SOX5: variants seen among roughly 807,000 people sequenced by gnomAD.
The protein encoded by SOX5 is SRY-box transcription factor 5.
In SOX5, 9 loss-of-function variants were observed where a neutral mutation model predicts 92.0. The observed-to-expected ratio is 0.10, with a 90% CI of 0.06 to 0.17. SOX5 has a LOEUF of 0.17. Among genes scored for constraint, SOX5 ranks in the 10% least tolerant of loss-of-function variants. The pLI is 1.00. For synonymous variants in SOX5, 344 were observed against 336.3 expected (o/e 1.02, Z -0.25); for missense variants, 642 against 944.5 (o/e 0.68, Z 4.20).
intron 4 of SOX5, among the ~76,000 whole-genome samples, chr12:24,127,849 T>C (rs1042820110): frequency 6.6e-6 from 1 of 152,052 alleles, no homozygotes; most frequent in African/African-American, 2.4e-5. Flanking sequence ...TCTCATTTGG[T>C]CTAATTTGTA....
At chr12:24,082,156 C>T (rs1943415894) in intron 4 of SOX5, among the ~76,000 whole-genome samples, 1 of 151,752 alleles carries the variant, frequency 6.6e-6, no homozygotes, top group Admixed American at 6.6e-5. Flanking sequence ...ACATTATAGC[C>T]AGCATATGCA....
At chr12:24,196,537 C>A (rs1055163494) in intron 4 of SOX5, among the ~76,000 whole-genome samples, 1 of 152,042 alleles carries the variant, frequency 6.6e-6, no homozygotes, top group South Asian at 2.1e-4. Flanking sequence ...GATGAAGAAG[C>A]CACACACTTT....
At chr12:24,417,150 G>C (rs1207784565) in intron 1 of SOX5, among the ~76,000 whole-genome samples, 1 of 152,122 alleles carries the variant, frequency 6.6e-6, no homozygotes. Context: ...GATTCTTCCT[G>C]CTGATCAAGC....
intron 2 of SOX5, among the ~76,000 whole-genome samples, chr12:23,857,169 A>G (rs980019352): frequency 6.6e-6 from 1 of 152,190 alleles, no homozygotes; most frequent in African/African-American, 2.4e-5. Flanking sequence ...AGAATAATAA[A>G]TAGAAGACTA....
chr12:24,506,558 T>C (rs1234935456), intron 1 of SOX5, among the ~76,000 whole-genome samples: 1 of 152,056 alleles, frequency 6.6e-6, no homozygotes, highest in Non-Finnish European at 1.5e-5. Flanking sequence ...ATTAATATTT[T>C]CAATACAACG....
intron 3 of SOX5, among the ~76,000 whole-genome samples, chr12:23,831,956 C>CCACACACACACA (rs1568152842): frequency 1.2e-4 from 1 of 8,624 alleles, no homozygotes; most frequent in Non-Finnish European, 2.4e-4. Flanking sequence ...GAAAGGGGAA[C>CCACACACACACA]TACACACACA....
chr12:24,008,532 A>C (rs1371274882), intron 4 of SOX5, among the ~76,000 whole-genome samples: 5 of 152,152 alleles, frequency 3.3e-5, no homozygotes, highest in Admixed American at 3.3e-4. Context: ...GTCTAGTTCA[A>C]AATATAAAAG....
chr12:24,561,073 G>C lies in SOX5; in HGVS notation c.-251+1256C>G, dbSNP rs528611408. 4.6e-5 allele frequency among the ~76,000 whole-genome samples: 7 copies of C among 152,306 alleles called. No individual in the cohort carries two copies. In the South Asian group the frequency reaches 1.4e-3, roughly 32 times the overall value. ...CTGCTGAGCCAGAAGGCAGTCCCTG[G>C]GGACACCTCCTTATGCCTTCCTTGA... On this transcript the variant is annotated intron_variant, in intron 1 of 4. Coordinates refer to the SOX5 transcript ENST00000446891.
At chr12:24,284,353 C>A (rs1945574684) in intron 2 of SOX5, among the ~76,000 whole-genome samples, 2 of 152,026 alleles carry the variant, frequency 1.3e-5, no homozygotes, top group South Asian at 4.2e-4. Flanking sequence ...CTAGGAGTCA[C>A]CTTCCAGGTG....
chr12:23,833,865 A>T (rs1405591801), intron 3 of SOX5, among the ~76,000 whole-genome samples: 2 of 151,942 alleles, frequency 1.3e-5, no homozygotes, highest in African/African-American at 4.8e-5. Context: ...GAAATTGTTT[A>T]AAAAGACAAA....
At chr12:24,258,097 C>T (rs560922113) in intron 3 of SOX5, among the ~76,000 whole-genome samples, 6 of 152,176 alleles carry the variant, frequency 3.9e-5, no homozygotes, top group East Asian at 2.0e-4. Context: ...CGCTTGAACC[C>T]GGGAGGCGGA....
At chr12:23,638,299 G>C (rs1415782645) in intron 8 of SOX5, 3 of 152,074 alleles carry the variant, frequency 2.0e-5, no homozygotes, top group Non-Finnish European at 4.4e-5. Context: ...TCTAGAGCTG[G>C]GATTCTTGAC....
intron 6 of SOX5, among the ~76,000 whole-genome samples, chr12:23,730,315 A>G (rs1365973649): frequency 6.6e-6 from 1 of 152,204 alleles, no homozygotes; most frequent in Non-Finnish European, 1.5e-5. Context: ...TTAGCTTGAT[A>G]CAGTAAATTG....
At chr12:23,671,830 A>G (rs2084832237) in intron 6 of SOX5, among the ~76,000 whole-genome samples, 1 of 152,142 alleles carries the variant, frequency 6.6e-6, no homozygotes, top group Non-Finnish European at 1.5e-5. Context: ...TATCACCTCT[A>G]ATTTCATTTG....
intron 4 of SOX5, among the ~76,000 whole-genome samples, chr12:24,070,973 G>A (rs1297185535): frequency 1.3e-5 from 2 of 152,042 alleles, no homozygotes; most frequent in African/African-American, 2.4e-5. Context: ...GAACAAATAC[G>A]TTTGAACCTT....
chr12:23,799,013 T>C (rs752403059), intron 3 of SOX5, among the ~76,000 whole-genome samples: 13 of 151,956 alleles, frequency 8.6e-5, no homozygotes, highest in African/African-American at 2.9e-4. Flanking sequence ...CGTACTATAA[T>C]TGGAAGACTT....
chr12:23,980,212 C>A (rs942104089), intron 4 of SOX5, among the ~76,000 whole-genome samples: 1 of 151,904 alleles, frequency 6.6e-6, no homozygotes, highest in African/African-American at 2.4e-5. Flanking sequence ...CTTGAATATT[C>A]TTTTCATACT....
At chr12:23,737,038 A>G (rs1261066456) in intron 5 of SOX5, among the ~76,000 whole-genome samples, 1 of 151,982 alleles carries the variant, frequency 6.6e-6, no homozygotes, top group East Asian at 1.9e-4. Flanking sequence ...GAGAGAGTAG[A>G]AGGAAGATTA....
At chr12:24,108,774 A>C (rs952408133) in intron 4 of SOX5, among the ~76,000 whole-genome samples, 5 of 152,170 alleles carry the variant, frequency 3.3e-5, no homozygotes, top group Admixed American at 3.3e-4. Context: ...ATGAAGAAAC[A>C]GGCTGTTTTC....
Sources: gnomAD v4.1 joint callset for allele counts (sites outside exome capture counted in the v4.1 genomes callset) on GRCh38, gnomAD v4.1.1 for gene constraint, MANE v1.5 for transcripts, NCBI Gene and HGNC (gene_info 2026-07-23, HGNC 2026-07-21) for gene names.